CAPZA1: variants seen among roughly 807,000 people sequenced by gnomAD.
CAPZA1 encodes capping actin protein of muscle Z-line subunit alpha 1, also known as F-actin-capping protein subunit alpha-1.
Under a neutral mutation model 40.8 loss-of-function variants are expected in CAPZA1, and 10 were observed. That is an observed-to-expected ratio of 0.25 (90% CI 0.15 to 0.42). The LOEUF is 0.42. Ranked by LOEUF, CAPZA1 falls within the 10% of genes least tolerant of loss-of-function variation. The pLI, the probability that CAPZA1 is intolerant of heterozygous loss-of-function variation, is 1.00. For synonymous variants in CAPZA1, 98 were observed against 115.0 expected (o/e 0.85, Z 0.95); for missense variants, 277 against 353.8 (o/e 0.78, Z 1.74).
chr1:112,662,591 G>C (rs1243023055), intron 7 of CAPZA1, among the ~76,000 whole-genome samples: 1 of 151,446 alleles, frequency 6.6e-6, no homozygotes, highest in Admixed American at 6.6e-5. Flanking sequence ...GTAGAGACAG[G>C]GTTTCACTGT....
chr1:112,647,371 T>G (rs1373259808), intron 2 of CAPZA1, 98 bp downstream of exon 2: 2 of 608,476 alleles, frequency 3.3e-6, no homozygotes, highest in East Asian at 6.2e-5. Flanking sequence ...TAGCCATAGC[T>G]AAGTAAATCA....
At chr1:112,639,797 C>T (rs1671097342) in intron 1 of CAPZA1, among the ~76,000 whole-genome samples, 1 of 147,448 alleles carries the variant, frequency 6.8e-6, no homozygotes, top group African/African-American at 2.5e-5. Context: ...GGCGCCTCTG[C>T]CCGGCCGCCC....
At chr1:112,638,040 A>AT (rs1240769960) in intron 1 of CAPZA1, among the ~76,000 whole-genome samples, 2 of 152,152 alleles carry the variant, frequency 1.3e-5, no homozygotes, top group Non-Finnish European at 2.9e-5. Context: ...GTGGTGGCAA[A>AT]TTCCTTGAAG....
intron 7 of CAPZA1, among the ~76,000 whole-genome samples, chr1:112,660,979 T>A (rs958515554): frequency 3.3e-5 from 5 of 150,560 alleles, no homozygotes; most frequent in Non-Finnish European, 4.4e-5. Flanking sequence ...TGCCTCAGCC[T>A]CCCAAGTAGC....
intron 1 of CAPZA1, among the ~76,000 whole-genome samples, chr1:112,623,195 C>CT (rs1414938890): frequency 8.5e-5 from 13 of 152,132 alleles, no homozygotes; most frequent in South Asian, 2.1e-4. Context: ...AATATTTATG[C>CT]TTTTAAACTG....
At chr1:112,669,201 G>C (rs1019083371) in intron 8 of CAPZA1, among the ~76,000 whole-genome samples, 4 of 152,204 alleles carry the variant, frequency 2.6e-5, no homozygotes, top group Non-Finnish European at 5.9e-5. Context: ...TTCAAGACTT[G>C]ATGATGTCTT....
intron 3 of CAPZA1, among the ~76,000 whole-genome samples, chr1:112,650,936 A>G (rs72984515): frequency 0.021 from 3,131 of 152,330 alleles, 121 homozygotes; most frequent in African/African-American, 0.071. Flanking sequence ...CTTATAGACT[A>G]TAGGTTCTTG....
In CAPZA1 at chr1:112,659,748, C is replaced by T; in HGVS notation, c.554C>T (p.Thr185Ile). The T allele has an allele frequency of 6.2e-7, 1 of 1,613,490 alleles. No individual in the cohort carries two copies. Among genetic ancestry groups the T allele is most frequent in the East Asian group, 2.2e-5 (1 of 44,876 alleles). Reference protein sequence around the residue: ...SEWKFTITPPTAQVVGVLKIQ... With the variant: ...SEWKFTITPPIAQVVGVLKIQ... Reference sequence around the variant, plus strand: ...TGGAAGTTCACCATCACACCACCTACAGCCCAGGTGGTTGGCGTGCTTAAG... The same window carrying T: ...TGGAAGTTCACCATCACACCACCTATAGCCCAGGTGGTTGGCGTGCTTAAG... The change falls in exon 7 of 10, where the codon ACA becomes ATA. Residue 185 changes from threonine to isoleucine, a missense_variant. Coordinates refer to ENST00000263168, the MANE Select transcript of CAPZA1 (RefSeq NM_006135.3).
rs543284324 is a variant in CAPZA1 at position 112,660,264 on chromosome 1, T to C, written c.585+485T>C. On this transcript the variant is annotated intron_variant, in intron 7 of 9. Transcript: ENST00000263168. The stretch of plus-strand genomic sequence containing the variant: ...AGCCAAGCAGAAGTAGATTGATTGA[T>C]TGATTGATTGATTGACTGATTGATT... Among the ~76,000 whole-genome samples, 6 of 151,758 alleles carry C rather than the reference T, an allele frequency of 4.0e-5. No homozygotes were observed. The East Asian group carries it at 9.8e-4, about 25-fold the overall frequency.
chr1:112,626,691 T>G (rs765139789), intron 1 of CAPZA1, among the ~76,000 whole-genome samples: 4 of 152,228 alleles, frequency 2.6e-5, no homozygotes, highest in Non-Finnish European at 4.4e-5. Flanking sequence ...TTTAATTATC[T>G]CTCTGCCTCA....
chr1:112,670,168 C>T lies in CAPZA1; in HGVS notation c.*36C>T, dbSNP rs1263977438. The T allele has an allele frequency of 1.9e-6, 3 of 1,610,100 alleles. No homozygotes were observed. Among genetic ancestry groups the T allele is most frequent in the South Asian group, 1.1e-5 (1 of 90,940 alleles). ...TAGGATTCTTCAGTATGTGGAAAGA[C>T]AAGGATTCAACGTGTGGTCATATGA... is the stretch of plus-strand genomic sequence containing the variant. On this transcript the variant is annotated 3_prime_UTR_variant, in exon 10 of 10. Transcript: ENST00000263168.
At chr1:112,664,914 G>A (rs964242428) in intron 7 of CAPZA1, among the ~76,000 whole-genome samples, 5 of 152,048 alleles carry the variant, frequency 3.3e-5, no homozygotes, top group South Asian at 2.1e-4. Context: ...CAGCCTGGGC[G>A]ACAAGAACAA....
chr1:112,650,934 CTA>C (rs1422362301), intron 3 of CAPZA1, among the ~76,000 whole-genome samples: 4 of 152,224 alleles, frequency 2.6e-5, no homozygotes, highest in Non-Finnish European at 4.4e-5. Flanking sequence ...TTCTTATAGA[CTA>C]TAGGTTCTTG....
Position 112,663,047 on chromosome 1 carries a change from G to A in CAPZA1, c.585+3268G>A, listed in dbSNP as rs148833379. 4.6e-3 allele frequency among the ~76,000 whole-genome samples: 699 copies of A among 151,794 alleles called. 1 individual carries two copies. Among genetic ancestry groups the A allele is most frequent in the African/African-American group, 0.016 (665 of 41,384 alleles). ...TGACACGACCTTGGCTCATTGCAAC[G>A]TCCGCCTCCTGGGTTCAAGCGATTC... On this transcript the variant is annotated intron_variant, in intron 7 of 9. Coordinates refer to ENST00000263168, the MANE Select transcript of CAPZA1 (RefSeq NM_006135.3).
At chr1:112,620,189 C>T in intron 1 of CAPZA1, 1 of 301,206 alleles carries the variant, frequency 3.3e-6, no homozygotes, top group Non-Finnish European at 6.1e-6. Flanking sequence ...TGTAATTTTG[C>T]GAGAGGGTGG....
At chr1:112,630,133 C>T (rs1285614504) in intron 1 of CAPZA1, among the ~76,000 whole-genome samples, 1 of 152,052 alleles carries the variant, frequency 6.6e-6, no homozygotes, top group Non-Finnish European at 1.5e-5. Context: ...ACCTCTGCCT[C>T]CTGGGCTCAA....
At chr1:112,660,231 A>T (rs1255994316) in intron 7 of CAPZA1, among the ~76,000 whole-genome samples, 1 of 151,872 alleles carries the variant, frequency 6.6e-6, no homozygotes, top group Non-Finnish European at 1.5e-5. Flanking sequence ...GTGTTTTGGA[A>T]TATAAATAGC....
In CAPZA1 at chr1:112,662,555, T is replaced by C. The variant is rs369339656; in HGVS notation, c.585+2776T>C. ...CTGGTACCACAGGCGCCCGCCACCA[T>C]ACCTGGCTAATTTTTTGTATTTTTA... On this transcript the variant is annotated intron_variant, in intron 7 of 9. Transcript: ENST00000263168. 7.6e-4 allele frequency among the ~76,000 whole-genome samples: 116 copies of C among 151,758 alleles called. 2 individuals are homozygous for C. In the East Asian group the frequency reaches 0.019, roughly 25 times the overall value.
chr1:112,627,636 C>CAAAAAAAAA (rs3034524), intron 1 of CAPZA1, among the ~76,000 whole-genome samples: 9 of 50,776 alleles, frequency 1.8e-4, no homozygotes, highest in African/African-American at 7.4e-4. Flanking sequence ...GACTCTGTCT[C>CAAAAAAAAA]AAAAAAAAAA....
Sources: gnomAD v4.1 joint callset for allele counts (sites outside exome capture counted in the v4.1 genomes callset) on GRCh38, gnomAD v4.1.1 for gene constraint, MANE v1.5 for transcripts, NCBI Gene and HGNC (gene_info 2026-07-23, HGNC 2026-07-21) for gene names.